The following ABCC4 variants were observed in gnomAD, a reference collection of about 807,000 sequenced individuals.
The protein encoded by ABCC4 is ATP-binding cassette sub-family C member 4.
In ABCC4, 102 loss-of-function variants were observed where a neutral mutation model predicts 168.5. The ratio of observed to expected loss-of-function variants is 0.61; its 90% CI spans 0.52 to 0.71. The LOEUF is 0.71. ABCC4 is among the 30% of genes least tolerant of loss of function. The pLI, the probability that ABCC4 is intolerant of heterozygous loss-of-function variation, is 0.00. For synonymous variants in ABCC4, 617 were observed against 590.7 expected, an observed-to-expected ratio of 1.04 and a Z score of -0.65; for missense variants, 1,402 against 1,605.8, an observed-to-expected ratio of 0.87 and a Z score of 2.17.
intron 1 of ABCC4, among the ~76,000 whole-genome samples, chr13:95,291,128 TG>T (rs1489859394): frequency 4.6e-5 from 7 of 151,714 alleles, no homozygotes; most frequent in African/African-American, 1.7e-4. Flanking sequence ...CCAAGGCAGG[TG>T]GATCACTTGA....
rs1566539096 is a variant in ABCC4, at chr13:95,218,860, A to AAAAGAAAAGAAAAGAAAAG, written c.532-8080_532-8079insCTTTTCTTTTCTTTTCTTT. Among the ~76,000 whole-genome samples, 367 of 146,942 alleles carry AAAAGAAAAGAAAAGAAAAG rather than the reference A, an allele frequency of 2.5e-3. 4 individuals are homozygous for AAAAGAAAAGAAAAGAAAAG. Among genetic ancestry groups the AAAAGAAAAGAAAAGAAAAG allele is most frequent in the African/African-American group, 9.2e-3 (348 of 37,828 alleles). On this transcript the variant is annotated intron_variant, in intron 4 of 30. Transcript: ENST00000645237. ...AGCAAAACCAAGAAAGAAAAGAAAA[A>AAAAGAAAAGAAAAGAAAAG]AAAAGAAAAGAAAAGAAAAGAGACA...
intron 8 of ABCC4, among the ~76,000 whole-genome samples, chr13:95,196,514 A>C (rs947141311): frequency 1.3e-5 from 2 of 151,178 alleles, no homozygotes; most frequent in African/African-American, 4.9e-5. Flanking sequence ...CCCTCATTGC[A>C]CTCCAGCCTG....
intron 27 of ABCC4, among the ~76,000 whole-genome samples, chr13:95,048,177 T>C (rs2032676823): frequency 6.6e-6 from 1 of 152,234 alleles, no homozygotes. Context: ...CATAACATTA[T>C]ACTTTAAAAT....
At chr13:95,029,962 C>T (rs963974426) in intron 30 of ABCC4, among the ~76,000 whole-genome samples, 6 of 149,782 alleles carry the variant, frequency 4.0e-5, no homozygotes, top group African/African-American at 1.5e-4. Context: ...TCCTAGGATC[C>T]AGGATGTCAG....
intron 1 of ABCC4, among the ~76,000 whole-genome samples, chr13:95,254,790 A>C (rs1489298958): frequency 1.5e-5 from 2 of 130,952 alleles, no homozygotes; most frequent in Non-Finnish European, 3.2e-5. Context: ...CAACATTAGA[A>C]GGGCTATTAT....
intron 19 of ABCC4, among the ~76,000 whole-genome samples, chr13:95,134,352 C>G (rs916436110): frequency 1.1e-4 from 16 of 152,050 alleles, no homozygotes; most frequent in Non-Finnish European, 2.2e-4. Context: ...ATAACGGGAT[C>G]AAGGGAAGTG....
chr13:95,116,265 G>C (rs994899485), intron 19 of ABCC4, among the ~76,000 whole-genome samples: 1 of 152,120 alleles, frequency 6.6e-6, no homozygotes, highest in African/African-American at 2.4e-5. Context: ...TCTTGTGACA[G>C]TATCAGGAAG....
intron 1 of ABCC4, among the ~76,000 whole-genome samples, chr13:95,293,897 G>A (rs534778772): frequency 2.6e-5 from 4 of 151,218 alleles, no homozygotes; most frequent in East Asian, 3.9e-4. Context: ...TCTCCTGCTC[G>A]GTCTCCCAAG....
intron 19 of ABCC4, among the ~76,000 whole-genome samples, chr13:95,153,319 G>A (rs972237155): frequency 6.6e-6 from 1 of 152,166 alleles, no homozygotes; most frequent in African/African-American, 2.4e-5. Context: ...ATTGGGATAT[G>A]CTACAAAGCC....
At chr13:95,149,003 T>G (rs1355727902) in intron 19 of ABCC4, 1 of 152,186 alleles carries the variant, frequency 6.6e-6, no homozygotes, top group Non-Finnish European at 1.5e-5. Context: ...GCTTCTTCTG[T>G]TCAGTTTTTA....
At chr13:95,202,907 A>C (rs1594290236) in intron 8 of ABCC4, among the ~76,000 whole-genome samples, 1 of 151,970 alleles carries the variant, frequency 6.6e-6, no homozygotes, top group Non-Finnish European at 1.5e-5. Flanking sequence ...TGATCCGTCC[A>C]CCTAGGCCTC....
At chr13:95,170,683 T>A (rs907811734) in intron 13 of ABCC4, 55 bp from the exon 14 acceptor site, 6 of 1,059,168 alleles carry the variant, frequency 5.7e-6, no homozygotes, top group African/African-American at 4.8e-5. Context: ...TGCTCCACAT[T>A]GAAAAACATA....
rs1361088349 is a variant in ABCC4 at position 95,164,048 on chromosome 13, AAAAAAAAAAG to A, written c.2175+320_2175+329del. Among the ~76,000 whole-genome samples, 39 of 148,908 alleles carry A rather than the reference AAAAAAAAAAG, an allele frequency of 2.6e-4. No homozygotes were observed. In the South Asian group the frequency reaches 8.2e-3, roughly 31 times the overall value. On this transcript the variant is annotated intron_variant, in intron 16 of 30. Transcript: ENST00000645237. The stretch of plus-strand genomic sequence containing the variant: ...AGAGCAAAACTCCATCTCAAAAAAA[AAAAAAAAAAG>A]AAAGAAAGAAAGAAAGAAAGAATAA...
At chr13:95,083,679 A>G (rs1452122593) in intron 20 of ABCC4, among the ~76,000 whole-genome samples, 1 of 151,798 alleles carries the variant, frequency 6.6e-6, no homozygotes, top group Non-Finnish European at 1.5e-5. Flanking sequence ...GGTGCATGTC[A>G]CCATGCCTAA....
At chr13:95,024,158 G>A (rs1366714892) in intron 30 of ABCC4, among the ~76,000 whole-genome samples, 1 of 143,740 alleles carries the variant, frequency 7.0e-6, no homozygotes, top group Non-Finnish European at 1.5e-5. Context: ...AGTGAGCCGA[G>A]ACTGCAACAC....
At chr13:95,225,153 T>TCTCTCACA (rs1360466403) in intron 4 of ABCC4, among the ~76,000 whole-genome samples, 24 of 35,264 alleles carry the variant, frequency 6.8e-4, no homozygotes, top group African/African-American at 1.3e-3. Context: ...TCTCTCTCTC[T>TCTCTCACA]CACACACACA....
intron 19 of ABCC4, among the ~76,000 whole-genome samples, chr13:95,137,126 C>A (rs1435874267): frequency 1.3e-5 from 2 of 152,208 alleles, no homozygotes. Context: ...CCCCAGCTCC[C>A]AGCCAGAAGA....
chr13:95,059,366 A>T (rs901227911), intron 26 of ABCC4, among the ~76,000 whole-genome samples: 2 of 152,360 alleles, frequency 1.3e-5, no homozygotes, highest in Admixed American at 1.3e-4. Context: ...GATTCTGCAA[A>T]TGTTAGGAAT....
chr13:95,230,844 G>A (rs2039599610), intron 4 of ABCC4, among the ~76,000 whole-genome samples: 1 of 152,160 alleles, frequency 6.6e-6, no homozygotes, highest in Admixed American at 6.6e-5. Flanking sequence ...GTTCATAGCA[G>A]CATTGTTCAC....
Sources: allele counts gnomAD v4.1 joint callset (sites outside exome capture counted in the v4.1 genomes callset), GRCh38; gene constraint gnomAD v4.1.1; transcripts MANE v1.5; gene names NCBI Gene and HGNC (gene_info 2026-07-23, HGNC 2026-07-21).